The following TAF4B variants were observed in gnomAD, a reference collection of about 807,000 sequenced individuals.
The protein encoded by TAF4B is transcription initiation factor TFIID subunit 4B.
In TAF4B, 38 loss-of-function variants were observed where a neutral mutation model predicts 86.4. The ratio of observed to expected loss-of-function variants is 0.44; its 90% CI spans 0.34 to 0.58. TAF4B has a LOEUF of 0.58. Among genes scored for constraint, TAF4B ranks in the 20% least tolerant of loss-of-function variants. The pLI is 0.02. For synonymous variants in TAF4B, 388 were observed against 391.2 expected (o/e 0.99, Z 0.10); for missense variants, 988 against 1,027.6 (o/e 0.96, Z 0.53).
At chr18:26,315,190 C>CAAAA in intron 9 of TAF4B, 39 bp from the exon 10 acceptor site, 1 of 1,395,224 alleles carries the variant, frequency 7.2e-7, no homozygotes, top group Non-Finnish European at 9.6e-7. Context: ...CACACACACA[C>CAAAA]ACAACCTAAA....
chr18:26,280,831 AAAAAAGACAT>A (rs2056439495), intron 5 of TAF4B, among the ~76,000 whole-genome samples: 2 of 152,310 alleles, frequency 1.3e-5, no homozygotes, highest in Non-Finnish European at 1.5e-5. Flanking sequence ...ATCATTCTAT[AAAAAAGACAT>A]ATGCACTTGT....
chr18:26,286,803 C>T (rs11876275), intron 7 of TAF4B, among the ~76,000 whole-genome samples: 16,842 of 152,038 alleles, frequency 0.11, 953 homozygotes, highest in Middle Eastern at 0.14. Flanking sequence ...CATGCCTTAC[C>T]CTCCTGAGTA....
At chr18:26,383,844 G>C (rs553689661) in intron 14 of TAF4B, among the ~76,000 whole-genome samples, 1 of 152,162 alleles carries the variant, frequency 6.6e-6, no homozygotes, top group African/African-American at 2.4e-5. Flanking sequence ...AAAGATGAGA[G>C]ATCTGTTGCT....
At chr18:26,257,133 A>G (rs1043971572) in intron 1 of TAF4B, among the ~76,000 whole-genome samples, 1 of 152,048 alleles carries the variant, frequency 6.6e-6, no homozygotes, top group Admixed American at 6.6e-5. Context: ...CAAGTGGTTG[A>G]TTTCCTTGCT....
In TAF4B at chr18:26,389,932, C is replaced by T; in HGVS notation, c.2509C>T (p.Leu837Phe). 1.2e-6 allele frequency: 2 copies of T among 1,614,112 alleles called. No individual in the cohort carries two copies. Among genetic ancestry groups the T allele is most frequent in the South Asian group, 1.1e-5 (1 of 91,072 alleles). ...TCGTCCAAGAATCACGAGAATCTGC[C>T]TCAGGGACTTGATATTTTGTATGGA... ...LHRPRITRIC[L>F]RDLIFCMEQE... Residue 837 changes from leucine to phenylalanine, a missense_variant, in exon 15 of 15, where the codon CTC becomes TTC. Leu to Phe is a conservative substitution (Grantham distance 22, BLOSUM62 0). Coordinates refer to ENST00000269142, the MANE Select transcript of TAF4B (RefSeq NM_005640.3).
intron 1 of TAF4B, among the ~76,000 whole-genome samples, chr18:26,249,185 AAAG>A (rs1437690568): frequency 2.0e-5 from 3 of 151,800 alleles, no homozygotes; most frequent in African/African-American, 4.8e-5. Flanking sequence ...AAAAAAAAAA[AAAG>A]AGGAACCTGG....
intron 13 of TAF4B, among the ~76,000 whole-genome samples, chr18:26,355,487 T>C (rs567840480): frequency 6.6e-6 from 1 of 152,350 alleles, no homozygotes; most frequent in Non-Finnish European, 1.5e-5. Context: ...GTTTTGTGCT[T>C]GTCAAGATGC....
chr18:26,265,105 A>G (rs2056219791), intron 1 of TAF4B, 65 bp from the exon 2 acceptor site: 3 of 1,507,690 alleles, frequency 2.0e-6, no homozygotes, highest in Non-Finnish European at 1.8e-6. Context: ...GGGAGAAGAA[A>G]ATATGTGATG....
At chr18:26,233,304 G>A (rs1041810999) in intron 1 of TAF4B, among the ~76,000 whole-genome samples, 1 of 152,140 alleles carries the variant, frequency 6.6e-6, no homozygotes, top group African/African-American at 2.4e-5. Context: ...AAGCATTCAA[G>A]AAAGTAATTG....
At chr18:26,261,905 G>A (rs1309297374) in intron 1 of TAF4B, among the ~76,000 whole-genome samples, 1 of 152,162 alleles carries the variant, frequency 6.6e-6, no homozygotes, top group African/African-American at 2.4e-5. Flanking sequence ...TTCATTTAGG[G>A]AGATATTGGG....
At chr18:26,323,584 G>GT (rs1482880769) in intron 11 of TAF4B, among the ~76,000 whole-genome samples, 3 of 145,418 alleles carry the variant, frequency 2.1e-5, no homozygotes, top group Admixed American at 6.9e-5. Context: ...CTGTGGAATT[G>GT]TTTTTTAAAC....
At chr18:26,263,981 A>T (rs2056204645) in intron 1 of TAF4B, among the ~76,000 whole-genome samples, 1 of 152,164 alleles carries the variant, frequency 6.6e-6, no homozygotes, top group Non-Finnish European at 1.5e-5. Context: ...AGGCATCTGA[A>T]AGGTCTACCC....
intron 13 of TAF4B, among the ~76,000 whole-genome samples, chr18:26,353,325 T>C (rs1361343545): frequency 6.6e-6 from 1 of 152,228 alleles, no homozygotes; most frequent in Non-Finnish European, 1.5e-5. Context: ...AATATAATCA[T>C]ATATTAATAG....
chr18:26,278,266 C>T (rs1281379213), intron 5 of TAF4B, among the ~76,000 whole-genome samples: 1 of 152,082 alleles, frequency 6.6e-6, no homozygotes, highest in Non-Finnish European at 1.5e-5. Flanking sequence ...TTTACTGCTT[C>T]ATCCAAGGAT....
intron 2 of TAF4B, among the ~76,000 whole-genome samples, 190 bp downstream of exon 2, chr18:26,265,505 A>T (rs899442840): frequency 6.6e-6 from 1 of 152,180 alleles, no homozygotes; most frequent in South Asian, 2.1e-4. Flanking sequence ...TTGCCAAAAT[A>T]GTAAATTCAG....
At chr18:26,240,676 A>C (rs2055823488) in intron 1 of TAF4B, among the ~76,000 whole-genome samples, 3 of 152,212 alleles carry the variant, frequency 2.0e-5, no homozygotes, top group Admixed American at 2.0e-4. Context: ...TTTCAAAGGG[A>C]ATGCTTCCAG....
intron 1 of TAF4B, among the ~76,000 whole-genome samples, chr18:26,250,893 G>C (rs1598725876): frequency 1.3e-5 from 2 of 152,042 alleles, no homozygotes; most frequent in African/African-American, 2.4e-5. Flanking sequence ...TGGAGGATAG[G>C]GGAGATATAC....
intron 1 of TAF4B, among the ~76,000 whole-genome samples, chr18:26,239,030 A>G (rs867854001): frequency 1.3e-5 from 2 of 152,256 alleles, no homozygotes; most frequent in African/African-American, 4.8e-5. Context: ...TGCTATTGTG[A>G]ATAGTGCTGC....
At chr18:26,325,983 A>T (rs2057000680) in intron 11 of TAF4B, among the ~76,000 whole-genome samples, 1 of 152,256 alleles carries the variant, frequency 6.6e-6, no homozygotes, top group African/African-American at 2.4e-5. Context: ...TGAATCAACC[A>T]TAAGCAGGGG....
Sources: gnomAD v4.1 joint callset for allele counts (sites outside exome capture counted in the v4.1 genomes callset) on GRCh38, gnomAD v4.1.1 for gene constraint, MANE v1.5 for transcripts, NCBI Gene and HGNC (gene_info 2026-07-23, HGNC 2026-07-21) for gene names.